CAMSAP2: variants seen among roughly 807,000 people sequenced by gnomAD.
The protein encoded by CAMSAP2 is calmodulin regulated spectrin associated protein family member 2, also known as calmodulin-regulated spectrin-associated protein 2.
In CAMSAP2, 26 loss-of-function variants were observed where a neutral mutation model predicts 146.1. That is an observed-to-expected ratio of 0.18 (90% CI 0.13 to 0.25). The LOEUF (loss-of-function observed/expected upper bound fraction) is 0.25, where lower values mean the gene tolerates loss of function less well. CAMSAP2 is among the 10% of genes least tolerant of loss of function. The pLI, the probability that CAMSAP2 is intolerant of heterozygous loss-of-function variation, is 1.00. For synonymous variants in CAMSAP2, 499 were observed against 596.6 expected, an observed-to-expected ratio of 0.84 and a Z score of 2.38; for missense variants, 1,381 against 1,759.3, an observed-to-expected ratio of 0.78 and a Z score of 3.85.
chr1:200,807,876 G>A (rs1283385261), intron 3 of CAMSAP2, among the ~76,000 whole-genome samples: 1 of 151,808 alleles, frequency 6.6e-6, no homozygotes, highest in Non-Finnish European at 1.5e-5. Context: ...AAGTAGCTGG[G>A]ATTACAGGCG....
intron 2 of CAMSAP2, among the ~76,000 whole-genome samples, chr1:200,781,873 G>C (rs1665443502): frequency 6.6e-6 from 1 of 152,042 alleles, no homozygotes; most frequent in Admixed American, 6.6e-5. Context: ...ACTCTTGATA[G>C]TTACTGTTTT....
At chr1:200,740,107 G>A in intron 1 of CAMSAP2, 141 bp downstream of exon 1, 1 of 926,422 alleles carries the variant, frequency 1.1e-6, no homozygotes, top group Non-Finnish European at 1.6e-6. Context: ...GCTAGGAAGA[G>A]AAAGAAAGGA....
intron 2 of CAMSAP2, among the ~76,000 whole-genome samples, chr1:200,796,752 T>C (rs1431426065): frequency 2.0e-5 from 3 of 151,970 alleles, no homozygotes; most frequent in Non-Finnish European, 4.4e-5. Flanking sequence ...ACATGTGCCA[T>C]GCTGGTGCAC....
At position 200,860,144 on chromosome 1, in the gene CAMSAP2, G is replaced by A. The variant is rs1026323961; in HGVS notation, c.*2085G>A. 2.6e-5 allele frequency: 4 copies of A among 152,716 alleles called. No individual in the cohort carries two copies. Among genetic ancestry groups the A allele is most frequent in the African/African-American group, 9.7e-5 (4 of 41,446 alleles). 9.5% of individuals were successfully genotyped at this position (152,716 alleles called of 1,614,324 possible). On this transcript the variant is annotated 3_prime_UTR_variant, in exon 17 of 17. Transcript: ENST00000358823. ...ATTGCCACAGAGTTCATTGCTCTCA[G>A]TATAAGATTTTACTTTATTAATGCA...
chr1:200,814,873 T>G (rs1666440622), intron 3 of CAMSAP2, among the ~76,000 whole-genome samples: 1 of 152,166 alleles, frequency 6.6e-6, no homozygotes, highest in South Asian at 2.1e-4. Flanking sequence ...GAACTTTTAT[T>G]GATTGTTACT....
chr1:200,791,027 T>C (rs1490602499), intron 2 of CAMSAP2, among the ~76,000 whole-genome samples: 1 of 152,102 alleles, frequency 6.6e-6, no homozygotes, highest in Non-Finnish European at 1.5e-5. Flanking sequence ...GTATTTTTAG[T>C]AGGGATGGGG....
chr1:200,741,858 C>G (rs930639043), intron 1 of CAMSAP2, among the ~76,000 whole-genome samples: 3 of 152,164 alleles, frequency 2.0e-5, no homozygotes, highest in African/African-American at 7.2e-5. Context: ...GATAACAAGT[C>G]TCTGATGTAG....
intron 1 of CAMSAP2, among the ~76,000 whole-genome samples, chr1:200,746,902 GT>G (rs1477958937): frequency 3.3e-5 from 5 of 152,026 alleles, no homozygotes; most frequent in East Asian, 3.9e-4. Flanking sequence ...ACAGGCGTGA[GT>G]CAACTGCGCC....
intron 2 of CAMSAP2, among the ~76,000 whole-genome samples, chr1:200,780,544 C>A (rs903577226): frequency 6.6e-6 from 1 of 152,188 alleles, no homozygotes; most frequent in Non-Finnish European, 1.5e-5. Flanking sequence ...CTGATAGTTA[C>A]ACTTTCTGTG....
intron 4 of CAMSAP2, among the ~76,000 whole-genome samples, chr1:200,817,174 A>ATACACACACACATATAAGTGTGTG (rs1558192008): frequency 1.6e-5 from 1 of 63,196 alleles, no homozygotes; most frequent in Non-Finnish European, 2.7e-5. Context: ...ACGTGTGTGT[A>ATACACACACACATATAAGTGTGTG]TATACACACA....
At chr1:200,827,062 A>G (rs1295012110) in intron 4 of CAMSAP2, among the ~76,000 whole-genome samples, 1 of 152,230 alleles carries the variant, frequency 6.6e-6, no homozygotes, top group East Asian at 1.9e-4. Context: ...GCATACGTAT[A>G]TAAGTATGCA....
intron 14 of CAMSAP2, 60 bp from the exon 15 acceptor site, chr1:200,855,950 C>T (rs1230199592): frequency 9.0e-7 from 1 of 1,106,530 alleles, no homozygotes; most frequent in East Asian, 2.4e-5. Flanking sequence ...TTCACGTATA[C>T]CCTCTGGGCC....
chr1:200,795,747 T>C (rs545594938), intron 2 of CAMSAP2, among the ~76,000 whole-genome samples: 17 of 152,350 alleles, frequency 1.1e-4, no homozygotes, highest in South Asian at 2.1e-4. Context: ...TATTACCAAA[T>C]GTAAGTGACA....
Position 200,858,092 on chromosome 1 carries a change from G to A in CAMSAP2, c.*33G>A, listed in dbSNP as rs372255253. ...GAAATACTTGCTTCAGAACATTCAT[G>A]GTAAATTTGCACTTCATCTTTCCTG... On this transcript the variant is annotated 3_prime_UTR_variant, in exon 17 of 17. Coordinates refer to ENST00000358823, the MANE Select transcript of CAMSAP2 (RefSeq NM_203459.4). 1.2e-4 allele frequency: 173 copies of A among 1,502,158 alleles called. 3 individuals carry two copies. In the African/African-American group the frequency reaches 1.9e-3, roughly 16 times the overall value. 93.1% of individuals were successfully genotyped at this position (1,502,158 alleles called of 1,614,324 possible). A position where few individuals can be genotyped will look rare whatever the true frequency, so the allele number is the denominator to read the frequency against.
chr1:200,829,620 A>G (rs2102210711), intron 4 of CAMSAP2, among the ~76,000 whole-genome samples: 1 of 150,956 alleles, frequency 6.6e-6, no homozygotes, highest in South Asian at 2.1e-4. Context: ...CGATAATAAA[A>G]CTCTAATTTA....
intron 2 of CAMSAP2, among the ~76,000 whole-genome samples, chr1:200,783,467 C>T (rs1665495911): frequency 6.6e-6 from 1 of 152,032 alleles, no homozygotes; most frequent in Non-Finnish European, 1.5e-5. Flanking sequence ...TTCTCCTAAT[C>T]TGTGGTTCAC....
chr1:200,761,029 A>G lies in CAMSAP2; in HGVS notation c.330A>G (p.Lys110=). ...CTGTAATCCAGGCTTTAGCACAGAA[A>G]GGTCTTTATGTCACTGACCAGGAAA... ...HDAVIQALAQ[K]GLYVTDQEKL... is the part of the protein sequence containing the mutation. The change falls in exon 2 of 17, where the codon AAA becomes AAG. Residue 110 remains lysine (K), a synonymous_variant. Coordinates refer to ENST00000358823, the MANE Select transcript of CAMSAP2 (RefSeq NM_203459.4). 1 of 1,614,210 alleles carries G rather than the reference A, an allele frequency of 6.2e-7. No homozygotes were observed. Among genetic ancestry groups the G allele is most frequent in the South Asian group, 1.1e-5 (1 of 91,084 alleles).
chr1:200,802,172 T>C (rs1221258166), intron 2 of CAMSAP2, among the ~76,000 whole-genome samples: 1 of 152,216 alleles, frequency 6.6e-6, no homozygotes, highest in Non-Finnish European at 1.5e-5. Context: ...AGTTTAGAAA[T>C]AGTAATTCAA....
chr1:200,777,985 C>T (rs1343030433), intron 2 of CAMSAP2, among the ~76,000 whole-genome samples: 1 of 152,190 alleles, frequency 6.6e-6, no homozygotes, highest in Non-Finnish European at 1.5e-5. Flanking sequence ...CACTTATAAT[C>T]CCAGCACTTT....
Sources: gnomAD v4.1 joint callset for allele counts (sites outside exome capture counted in the v4.1 genomes callset) on GRCh38, gnomAD v4.1.1 for gene constraint, MANE v1.5 for transcripts, NCBI Gene and HGNC (gene_info 2026-07-23, HGNC 2026-07-21) for gene names.